The following UST variants were observed in gnomAD, a reference collection of about 807,000 sequenced individuals.
The protein encoded by UST is chondroitin sulfate 2-O-sulfotransferase.
Under a neutral mutation model 45.6 loss-of-function variants are expected in UST, and 21 were observed. The ratio of observed to expected loss-of-function variants is 0.46; its 90% CI spans 0.33 to 0.66. UST has a LOEUF of 0.66. Among genes scored for constraint, UST ranks in the 30% least tolerant of loss-of-function variants. The pLI, the probability that UST is intolerant of heterozygous loss-of-function variation, is 0.02. For missense variants in UST, 463 were observed against 512.4 expected (o/e 0.90, Z 0.93); for synonymous variants, 215 against 200.6 (o/e 1.07, Z -0.61).
intron 1 of UST, among the ~76,000 whole-genome samples, chr6:148,855,161 C>T (rs1778179901): frequency 6.6e-6 from 1 of 152,156 alleles, no homozygotes; most frequent in Non-Finnish European, 1.5e-5. Flanking sequence ...CCCACTGGGT[C>T]TCTCTCCCTT....
intron 1 of UST, among the ~76,000 whole-genome samples, chr6:148,873,989 C>A (rs1414696882): frequency 6.6e-6 from 1 of 152,264 alleles, no homozygotes; most frequent in East Asian, 1.9e-4. Context: ...CACATGACAT[C>A]TAGGTCCTGA....
At chr6:148,844,557 C>T (rs965283249) in intron 1 of UST, among the ~76,000 whole-genome samples, 1 of 152,198 alleles carries the variant, frequency 6.6e-6, no homozygotes, top group Admixed American at 6.5e-5. Context: ...ATTGCCCCTT[C>T]CCTGTCTGCT....
intron 7 of UST, among the ~76,000 whole-genome samples, chr6:149,047,534 G>A (rs1480658233): frequency 3.3e-5 from 5 of 152,112 alleles, no homozygotes; most frequent in Non-Finnish European, 7.4e-5. Context: ...CTAATCTTAT[G>A]TGTTCTCCCA....
chr6:149,049,657 G>A (rs1305111782), intron 7 of UST, among the ~76,000 whole-genome samples: 8 of 152,206 alleles, frequency 5.3e-5, no homozygotes, highest in African/African-American at 1.9e-4. Flanking sequence ...GGAGCACACA[G>A]AATTTTTATC....
chr6:148,875,119 G>A (rs1473823369), intron 1 of UST, among the ~76,000 whole-genome samples: 2 of 152,218 alleles, frequency 1.3e-5, no homozygotes, highest in Non-Finnish European at 2.9e-5. Flanking sequence ...AATTGCTTGT[G>A]TTTGATCAAA....
intron 1 of UST, among the ~76,000 whole-genome samples, chr6:148,754,026 G>A (rs913849868): frequency 5.4e-5 from 8 of 147,306 alleles, no homozygotes; most frequent in African/African-American, 1.8e-4. Flanking sequence ...TTGGAGGCTC[G>A]CTCTGTTGCC....
At chr6:149,043,015 CTTTCTT>C (rs1554237092) in intron 7 of UST, among the ~76,000 whole-genome samples, 13 of 119,784 alleles carry the variant, frequency 1.1e-4, no homozygotes, top group African/African-American at 4.1e-4. Context: ...TTCTTTCTTT[CTTTCTT>C]TTTCTTTCTT....
intron 7 of UST, among the ~76,000 whole-genome samples, chr6:149,033,075 A>C (rs1776179653): frequency 6.6e-6 from 1 of 152,194 alleles, no homozygotes; most frequent in Non-Finnish European, 1.5e-5. Flanking sequence ...AAGATTGGAA[A>C]CTTGACCCCA....
intron 2 of UST, among the ~76,000 whole-genome samples, chr6:148,892,611 C>G (rs554091352): frequency 4.1e-4 from 62 of 152,300 alleles, no homozygotes; most frequent in Non-Finnish European, 6.9e-4. Context: ...CTCCATTGCA[C>G]TAGCCACATT....
At chr6:148,834,669 A>C (rs991756645) in intron 1 of UST, among the ~76,000 whole-genome samples, 5 of 152,158 alleles carry the variant, frequency 3.3e-5, no homozygotes, top group Admixed American at 6.6e-5. Flanking sequence ...TGTGAGAAAG[A>C]GGTGAACCGA....
rs1245113678 is a variant in UST, at chr6:148,748,539, G to C, written c.247+862G>C. 6.6e-6 allele frequency among the ~76,000 whole-genome samples: 1 copy of C among 151,666 alleles called. No individual in the cohort carries two copies. Among genetic ancestry groups the C allele is most frequent in the South Asian group, 2.1e-4 (1 of 4,790 alleles). On this transcript the variant is annotated intron_variant, in intron 1 of 7. Transcript: ENST00000367463. The surrounding 1 kb of genome is among the most constrained non-coding windows in gnomAD (Gnocchi z 5.3). ...GAAAGAGCCGCTCCAGCGAGAAGGC[G>C]TGACCCCGCAGCTCCCTCGTCTCGG... is the stretch of plus-strand genomic sequence containing the variant.
chr6:148,765,172 A>G (rs1414320780), intron 1 of UST, among the ~76,000 whole-genome samples: 2 of 152,302 alleles, frequency 1.3e-5, no homozygotes, highest in African/African-American at 2.4e-5. Flanking sequence ...CCCAGATTTC[A>G]TATTGTTCAA....
intron 1 of UST, among the ~76,000 whole-genome samples, chr6:148,845,959 G>C (rs913539586): frequency 7.2e-6 from 1 of 139,134 alleles, no homozygotes; most frequent in African/African-American, 2.5e-5. Flanking sequence ...AGGTGCTGGA[G>C]AGGATGTGGA....
chr6:148,906,818 T>C (rs1779372198), intron 2 of UST, among the ~76,000 whole-genome samples: 1 of 152,246 alleles, frequency 6.6e-6, no homozygotes. Flanking sequence ...AGCACAGGCC[T>C]AGTCTATCCT....
intron 7 of UST, among the ~76,000 whole-genome samples, chr6:149,069,261 G>A (rs1050965282): frequency 1.3e-5 from 2 of 152,176 alleles, no homozygotes; most frequent in Admixed American, 1.3e-4. Context: ...TAGATACATA[G>A]TAGAAGGGTT....
chr6:148,942,199 T>C (rs1410025750), intron 3 of UST, among the ~76,000 whole-genome samples: 2 of 152,014 alleles, frequency 1.3e-5, no homozygotes, highest in Non-Finnish European at 2.9e-5. Context: ...CTTACATACA[T>C]AGGATGAGCA....
intron 1 of UST, among the ~76,000 whole-genome samples, chr6:148,761,700 C>A (rs1416397660): frequency 6.6e-6 from 1 of 152,216 alleles, no homozygotes; most frequent in Non-Finnish European, 1.5e-5. Context: ...ACCCCTGCAG[C>A]CTTGCCAGCC....
At chr6:148,923,558 A>T (rs767709960) in intron 2 of UST, among the ~76,000 whole-genome samples, 5 of 152,204 alleles carry the variant, frequency 3.3e-5, no homozygotes, top group Admixed American at 1.3e-4. Context: ...TGTTTCAGGG[A>T]TATAAGCAAA....
intron 2 of UST, among the ~76,000 whole-genome samples, chr6:148,914,358 A>G (rs1779540852): frequency 8.2e-6 from 1 of 122,500 alleles, no homozygotes; most frequent in Non-Finnish European, 1.6e-5. Flanking sequence ...TTTTGGCACC[A>G]GGGACCAGTT....
Sources: gnomAD v4.1 joint callset for allele counts (sites outside exome capture counted in the v4.1 genomes callset) on GRCh38, gnomAD v4.1.1 for gene constraint, Gnocchi (gnomAD v3.1) non-coding constraint, MANE v1.5 for transcripts, NCBI Gene and HGNC (gene_info 2026-07-23, HGNC 2026-07-21) for gene names.